The following CSNK2A2 variants were observed in gnomAD, a reference collection of about 807,000 sequenced individuals.
CSNK2A2 encodes casein kinase II subunit alpha'.
Under a neutral mutation model 54.0 loss-of-function variants are expected in CSNK2A2, and 8 were observed. The ratio of observed to expected loss-of-function variants is 0.15; its 90% CI spans 0.09 to 0.27. The LOEUF is 0.27. Ranked by LOEUF, CSNK2A2 falls within the 10% of genes least tolerant of loss-of-function variation. The pLI is 1.00. For synonymous variants in CSNK2A2, 141 were observed against 153.9 expected, an observed-to-expected ratio of 0.92 and a Z score of 0.62; for missense variants, 242 against 439.4, an observed-to-expected ratio of 0.55 and a Z score of 4.02.
intron 2 of CSNK2A2, among the ~76,000 whole-genome samples, chr16:58,190,938 G>A (rs1962307796): frequency 6.6e-6 from 1 of 152,176 alleles, no homozygotes; most frequent in African/African-American, 2.4e-5. Context: ...CATATTCAAA[G>A]CAGCATTATT....
Position 58,174,477 on chromosome 16 carries a change from G to A in CSNK2A2, c.403C>T (p.Arg135Trp). ...TTAAGTAGTTCATACATATAAAACC[G>A]GATATCAAAGTCTGTCAGGATCTGG... Reference protein sequence around the residue: ...LYQILTDFDIRFYMYELLKAL... With the variant: ...LYQILTDFDIWFYMYELLKAL... Residue 135 changes from arginine to tryptophan, a missense_variant, in exon 5 of 12, where the codon CGG (arginine) becomes TGG (tryptophan). Arg to Trp is a moderately radical substitution (Grantham distance 101, BLOSUM62 -3). This residue lies in a region of CSNK2A2 where 69 missense variants were observed against 97.0 expected (regional missense o/e 0.71). Coordinates refer to ENST00000262506, the MANE Select transcript of CSNK2A2 (RefSeq NM_001896.4). The A allele has an allele frequency of 6.2e-7, 1 of 1,612,366 alleles. No individual in the cohort carries two copies. The highest frequency in any genetic ancestry group is 8.5e-7 in the Non-Finnish European group (1 of 1,179,330).
intron 2 of CSNK2A2, among the ~76,000 whole-genome samples, chr16:58,194,276 G>A (rs745776264): frequency 6.6e-5 from 10 of 152,182 alleles, no homozygotes; most frequent in Non-Finnish European, 1.3e-4. Context: ...CACCACAATA[G>A]TAGCTATTAG....
chr16:58,178,396 T>C (rs1961935138), intron 4 of CSNK2A2, among the ~76,000 whole-genome samples: 1 of 151,890 alleles, frequency 6.6e-6, no homozygotes, highest in African/African-American at 2.4e-5. Flanking sequence ...GTGATTCTCC[T>C]ACCTCTGCCT....
Position 58,165,431 on chromosome 16 carries a change from T to C in CSNK2A2, c.976+129A>G, listed in dbSNP as rs369588096. Reference sequence around the variant, plus strand: ...AGTTGTCTCAATCATCTACGATAAATGAGGCCAAATTCTAGGAATAATCCA... The same window carrying C: ...AGTTGTCTCAATCATCTACGATAAACGAGGCCAAATTCTAGGAATAATCCA... On this transcript the variant is annotated intron_variant, in intron 10 of 11. Coordinates refer to ENST00000262506, the MANE Select transcript of CSNK2A2 (RefSeq NM_001896.4). 5 of 1,012,448 alleles carry C rather than the reference T, an allele frequency of 4.9e-6. No homozygotes were observed. In the African/African-American group the frequency reaches 6.5e-5, roughly 13 times the overall value. 62.7% of individuals were successfully genotyped at this position (1,012,448 alleles called of 1,614,324 possible).
At chr16:58,187,228 C>T (rs531301039) in intron 2 of CSNK2A2, among the ~76,000 whole-genome samples, 60 of 151,388 alleles carry the variant, frequency 4.0e-4, no homozygotes, top group African/African-American at 1.4e-3. Flanking sequence ...AATGGAAAAA[C>T]TGAAACAAAA....
At chr16:58,185,787 A>C (rs1196236142) in intron 3 of CSNK2A2, among the ~76,000 whole-genome samples, 2 of 152,186 alleles carry the variant, frequency 1.3e-5, no homozygotes, top group African/African-American at 4.8e-5. Flanking sequence ...AATACTGTGT[A>C]ATCTTGAGTG....
chr16:58,172,107 G>A (rs1961762739), intron 5 of CSNK2A2, among the ~76,000 whole-genome samples: 1 of 149,820 alleles, frequency 6.7e-6, no homozygotes, highest in Non-Finnish European at 1.5e-5. Flanking sequence ...ATAGGCGTGA[G>A]CCACCGAGTC....
intron 10 of CSNK2A2, 106 bp downstream of exon 10, chr16:58,165,453 TC>T: frequency 8.1e-7 from 1 of 1,232,948 alleles, no homozygotes; most frequent in Non-Finnish European, 1.1e-6. Flanking sequence ...CTAGGAATAA[TC>T]CAATCCAAAT....
At chr16:58,192,389 C>T (rs1205917445) in intron 2 of CSNK2A2, among the ~76,000 whole-genome samples, 1 of 151,610 alleles carries the variant, frequency 6.6e-6, no homozygotes, top group Non-Finnish European at 1.5e-5. Context: ...AACTATTAAA[C>T]TATTAATCCC....
chr16:58,169,363 T>C (rs546774313), intron 5 of CSNK2A2, among the ~76,000 whole-genome samples: 5 of 151,978 alleles, frequency 3.3e-5, no homozygotes, highest in South Asian at 2.1e-4. Context: ...AACACGGCTA[T>C]ACTAAAAATA....
intron 11 of CSNK2A2, among the ~76,000 whole-genome samples, chr16:58,159,292 T>C (rs909451817): frequency 1.3e-5 from 2 of 152,180 alleles, no homozygotes; most frequent in South Asian, 4.2e-4. Flanking sequence ...AGGGAGAGTG[T>C]TTCACAAATG....
chr16:58,187,099 T>C (rs1256812513), intron 2 of CSNK2A2, among the ~76,000 whole-genome samples: 4 of 151,554 alleles, frequency 2.6e-5, no homozygotes, highest in Non-Finnish European at 4.4e-5. Flanking sequence ...AGTAGTTACA[T>C]TGAGGGCACT....
At chr16:58,166,206 G>A (rs192804132) in intron 9 of CSNK2A2, among the ~76,000 whole-genome samples, 1 of 152,140 alleles carries the variant, frequency 6.6e-6, no homozygotes. Context: ...AGAAGAAATT[G>A]TAAGTCCACC....
chr16:58,189,717 C>G (rs1241520197), intron 2 of CSNK2A2, among the ~76,000 whole-genome samples: 1 of 152,162 alleles, frequency 6.6e-6, no homozygotes, highest in Non-Finnish European at 1.5e-5. Flanking sequence ...AGTCCCAAGT[C>G]ACAAAGGCAG....
chr16:58,191,385 G>A (rs1962317854), intron 2 of CSNK2A2, among the ~76,000 whole-genome samples: 1 of 151,934 alleles, frequency 6.6e-6, no homozygotes, highest in Non-Finnish European at 1.5e-5. Context: ...TTTTTTAGAC[G>A]AGTTTCACTT....
At chr16:58,165,146 C>T (rs1046780503) in intron 10 of CSNK2A2, among the ~76,000 whole-genome samples, 4 of 152,220 alleles carry the variant, frequency 2.6e-5, no homozygotes, top group Non-Finnish European at 5.9e-5. Flanking sequence ...AAATTCCTTT[C>T]GTCCATCCAT....
chr16:58,171,718 T>C (rs999222679), intron 5 of CSNK2A2, among the ~76,000 whole-genome samples: 10 of 151,766 alleles, frequency 6.6e-5, no homozygotes, highest in Non-Finnish European at 1.5e-4. Flanking sequence ...TATAATACGG[T>C]AGCCACTAGC....
intron 3 of CSNK2A2, 120 bp downstream of exon 3, chr16:58,186,635 G>A: frequency 1.5e-6 from 1 of 670,006 alleles, no homozygotes; most frequent in Non-Finnish European, 2.5e-6. Flanking sequence ...AAACCAGTCA[G>A]TAGTTAAAGA....
intron 2 of CSNK2A2, among the ~76,000 whole-genome samples, 171 bp downstream of exon 2, chr16:58,196,562 G>T (rs571343485): frequency 6.6e-6 from 1 of 152,302 alleles, no homozygotes; most frequent in African/African-American, 2.4e-5. Context: ...AGGCTGCAGT[G>T]AACTATGATC....
Sources: gnomAD v4.1 joint callset for allele counts (sites outside exome capture counted in the v4.1 genomes callset) on GRCh38, gnomAD v4.1.1 for gene constraint, gnomAD v4.1.1 regional missense constraint, MANE v1.5 for transcripts, NCBI Gene and HGNC (gene_info 2026-07-23, HGNC 2026-07-21) for gene names.